ULK4: variants seen among roughly 807,000 people sequenced by gnomAD.
The protein encoded by ULK4 is inactive serine/threonine-protein kinase ULK4.
A neutral mutation model predicts 160.6 loss-of-function variants in ULK4; 133 were observed. The observed-to-expected ratio is 0.83, with a 90% CI of 0.72 to 0.96. The LOEUF is 0.96. Among genes scored for constraint, ULK4 ranks in the 40% least tolerant of loss-of-function variants. The pLI is 0.00. For missense variants in ULK4, 1,580 were observed against 1,499.5 expected (o/e 1.05, Z -0.89); for synonymous variants, 534 against 539.8 (o/e 0.99, Z 0.15).
chr3:41,376,563 A>T (rs1206657199), intron 35 of ULK4, among the ~76,000 whole-genome samples: 1 of 149,926 alleles, frequency 6.7e-6, no homozygotes, highest in African/African-American at 2.5e-5. Context: ...AATCACAAGC[A>T]TTCTTATACA....
intron 17 of ULK4, among the ~76,000 whole-genome samples, chr3:41,880,857 A>G (rs1697490763): frequency 6.6e-6 from 1 of 152,138 alleles, no homozygotes; most frequent in African/African-American, 2.4e-5. Flanking sequence ...CGGGAGGCAG[A>G]GGTTACAACG....
At chr3:41,331,190 C>T (rs192801740) in intron 35 of ULK4, among the ~76,000 whole-genome samples, 3 of 152,234 alleles carry the variant, frequency 2.0e-5, no homozygotes, top group Admixed American at 2.0e-4. Context: ...TCTAGTTAGT[C>T]TGACTTGTAC....
intron 30 of ULK4, among the ~76,000 whole-genome samples, chr3:41,653,609 C>A (rs563692045): frequency 6.6e-6 from 1 of 152,302 alleles, no homozygotes; most frequent in East Asian, 1.9e-4. Flanking sequence ...CCAAAAAGTT[C>A]TATTCCTTTA....
At chr3:41,593,506 T>C (rs1189911270) in intron 31 of ULK4, among the ~76,000 whole-genome samples, 1 of 152,148 alleles carries the variant, frequency 6.6e-6, no homozygotes, top group Non-Finnish European at 1.5e-5. Flanking sequence ...GTAACTGAAA[T>C]TCACGGATGC....
chr3:41,591,320 A>C lies in ULK4; in HGVS notation c.3120+24349T>G, dbSNP rs544780841. Among the ~76,000 whole-genome samples the C allele has an allele frequency of 6.6e-5, 10 of 152,314 alleles. No homozygotes were observed. The Middle Eastern group carries it at 0.01, about 155-fold the overall frequency. ...AAGAATTCTTTACCAGTATCTCTGC[A>C]TGGAAAAAAAAGAAGTGGAGGGTAG... On this transcript the variant is annotated intron_variant, in intron 31 of 36. Coordinates refer to ENST00000301831, the MANE Select transcript of ULK4 (RefSeq NM_017886.4).
intron 30 of ULK4, among the ~76,000 whole-genome samples, chr3:41,642,345 C>T (rs1051938048): frequency 1.1e-4 from 16 of 152,080 alleles, no homozygotes; most frequent in Admixed American, 9.2e-4. Context: ...CCTACTCCCC[C>T]CACCCCACAA....
At chr3:41,443,142 T>C (rs1437399673) in intron 34 of ULK4, among the ~76,000 whole-genome samples, 2 of 152,304 alleles carry the variant, frequency 1.3e-5, no homozygotes, top group East Asian at 3.9e-4. Flanking sequence ...CCTTGTCATT[T>C]ATGCAGATAA....
intron 25 of ULK4, among the ~76,000 whole-genome samples, chr3:41,712,917 A>G (rs2037151960): frequency 6.6e-6 from 1 of 151,782 alleles, no homozygotes; most frequent in African/African-American, 2.4e-5. Flanking sequence ...CAAAAAAACA[A>G]GCAAAAAAAA....
At chr3:41,857,775 T>C (rs1054529687) in intron 17 of ULK4, among the ~76,000 whole-genome samples, 5 of 152,234 alleles carry the variant, frequency 3.3e-5, no homozygotes, top group Non-Finnish European at 4.4e-5. Flanking sequence ...CAGTCGCTAA[T>C]GACCCTTTAA....
At position 41,841,418 on chromosome 3, in the gene ULK4, C is replaced by T. The variant is rs533421844; in HGVS notation, c.1657-5447G>A. ...GTGGGAGGTAGAGAGCGCCTGTGCCCGGCCGCCCCGTCTGGGAAGTGGGCA... is the reference window on the plus strand; with the variant it reads ...GTGGGAGGTAGAGAGCGCCTGTGCCTGGCCGCCCCGTCTGGGAAGTGGGCA... On this transcript the variant is annotated intron_variant, in intron 17 of 36. Coordinates refer to ENST00000301831, the MANE Select transcript of ULK4 (RefSeq NM_017886.4). Among the ~76,000 whole-genome samples the T allele has an allele frequency of 8.1e-5, 12 of 148,268 alleles. No individual in the cohort carries two copies. In the South Asian group the frequency reaches 8.6e-4, roughly 11 times the overall value.
At chr3:41,299,604 C>A (rs1050825072) in intron 35 of ULK4, among the ~76,000 whole-genome samples, 1 of 152,178 alleles carries the variant, frequency 6.6e-6, no homozygotes, top group Non-Finnish European at 1.5e-5. Context: ...TTTGTTAATG[C>A]TGCAATATTT....
At chr3:41,301,181 T>G (rs1433150260) in intron 35 of ULK4, among the ~76,000 whole-genome samples, 2 of 152,006 alleles carry the variant, frequency 1.3e-5, no homozygotes, top group Non-Finnish European at 2.9e-5. Context: ...TAGTCAAGAC[T>G]GAGAGCCCAG....
intron 35 of ULK4, among the ~76,000 whole-genome samples, chr3:41,316,492 C>A (rs1266864476): frequency 6.6e-6 from 1 of 152,156 alleles, no homozygotes; most frequent in African/African-American, 2.4e-5. Flanking sequence ...AGGCCATAAT[C>A]CTAAGCAAAT....
In ULK4 at chr3:41,656,748, A is replaced by C. The variant is rs533755749; in HGVS notation, c.3071+6859T>G. 7.2e-5 allele frequency among the ~76,000 whole-genome samples: 11 copies of C among 152,332 alleles called. No individual in the cohort carries two copies. The South Asian group carries it at 2.3e-3, about 32-fold the overall frequency. ...ACTGTGGTGAACAGCACTTTTATGA[A>C]TCTTGTCATAAAACAAATAGCTCTA... On this transcript the variant is annotated intron_variant, in intron 30 of 36. Transcript: ENST00000301831.
At chr3:41,529,894 T>C (rs1018906794) in intron 32 of ULK4, among the ~76,000 whole-genome samples, 9 of 152,186 alleles carry the variant, frequency 5.9e-5, no homozygotes, top group Non-Finnish European at 1.2e-4. Context: ...AGACCAGGTA[T>C]TGTATGATTC....
chr3:41,396,985 G>C (rs932831686), intron 35 of ULK4, among the ~76,000 whole-genome samples: 1 of 152,022 alleles, frequency 6.6e-6, no homozygotes, highest in Non-Finnish European at 1.5e-5. Context: ...TGGGTCACTC[G>C]CTGCAACTGT....
intron 2 of ULK4, among the ~76,000 whole-genome samples, chr3:41,940,762 A>G (rs9846808): frequency 0.057 from 8,615 of 152,294 alleles, 446 homozygotes; most frequent in East Asian, 0.16. Context: ...AATTCACCCT[A>G]TTGCAAAAGG....
In ULK4 at chr3:41,681,575, T is replaced by C. The variant is rs1237212066; in HGVS notation, c.2911A>G (p.Lys971Glu). 1 of 1,614,002 alleles carries C rather than the reference T, an allele frequency of 6.2e-7. No individual in the cohort carries two copies. The highest frequency in any genetic ancestry group is 2.2e-5 in the East Asian group (1 of 44,854). Residue 971 changes from lysine (K) to glutamate (E), a missense_variant, in exon 29 of 37, where the codon AAG becomes GAG. By Grantham distance (56) the Lys-to-Glu change is moderately conservative. Transcript: ENST00000301831. ...TCAGAATCAACACTGGCCTTCTCCT[T>C]GCCATCCCCAAACTCCTGGTTCACG... ...LLVNQEFGDG[K>E]EKASVDSDSN...
intron 34 of ULK4, among the ~76,000 whole-genome samples, chr3:41,432,563 T>C (rs1389898163): frequency 6.6e-6 from 1 of 152,154 alleles, no homozygotes; most frequent in African/African-American, 2.4e-5. Context: ...AATCATCTCC[T>C]TTTGTTTAGT....
Sources: allele counts gnomAD v4.1 joint callset (sites outside exome capture counted in the v4.1 genomes callset), GRCh38; gene constraint gnomAD v4.1.1; transcripts MANE v1.5; gene names NCBI Gene and HGNC (gene_info 2026-07-23, HGNC 2026-07-21).